The following ASPSCR1 variants were observed in gnomAD, a reference collection of about 807,000 sequenced individuals.
The protein encoded by ASPSCR1 is ASPSCR1 tether for SLC2A4, UBX domain containing, also known as tether containing UBX domain for GLUT4.
A neutral mutation model predicts 68.9 loss-of-function variants in ASPSCR1; 55 were observed. The observed-to-expected ratio is 0.80, with a 90% CI of 0.64 to 1.00. The LOEUF is 1.00. Among genes scored for constraint, ASPSCR1 ranks in the 50% least tolerant of loss-of-function variants. The pLI, the probability that ASPSCR1 is intolerant of heterozygous loss-of-function variation, is 0.00. For missense variants in ASPSCR1, 765 were observed against 762.2 expected, an observed-to-expected ratio of 1.00 and a Z score of -0.04; for synonymous variants, 352 against 332.6, an observed-to-expected ratio of 1.06 and a Z score of -0.63.
At chr17:81,979,319 A>AGTG in intron 2 of ASPSCR1, 80 bp downstream of exon 2, 1 of 1,510,426 alleles carries the variant, frequency 6.6e-7, no homozygotes, top group Non-Finnish European at 9.2e-7. Flanking sequence ...CTCACTTGGA[A>AGTG]AAGCCCCCAG....
chr17:82,009,018 C>A lies in ASPSCR1; in HGVS notation c.934-19C>A. The stretch of plus-strand genomic sequence containing the variant: ...CCCAGCCCGTGACACCCGCCGTCAG[C>A]CGCGCCCTCTGCCTCCAGCCCGTGG... On this transcript the variant is annotated intron_variant, in intron 7 of 15. Transcript: ENST00000306739. 6.7e-7 allele frequency: 1 copy of A among 1,501,570 alleles called. No individual in the cohort carries two copies. 93.0% of individuals were successfully genotyped at this position (1,501,570 alleles called of 1,614,324 possible).
At chr17:82,009,933 C>T (rs1269458113) in intron 9 of ASPSCR1, 28 of 235,876 alleles carry the variant, frequency 1.2e-4, no homozygotes, top group Non-Finnish European at 2.0e-4. Flanking sequence ...TTTTTTGAGA[C>T]GGAGTCTCTC....
chr17:81,977,785 C>CG lies in ASPSCR1; in HGVS notation c.102+43dup, dbSNP rs986219126. 1.5e-5 allele frequency: 18 copies of CG among 1,204,396 alleles called. No individual in the cohort carries two copies. The highest frequency in any genetic ancestry group is 1.4e-4 in the East Asian group (4 of 29,444). 74.6% of individuals were successfully genotyped at this position (1,204,396 alleles called of 1,614,324 possible). ...CGCCCGGGGCGGACGGGTAGGCGGGCGGGGGGCGCTGCGCCGAGGCCCCGC... is the reference window on the plus strand; with the variant it reads ...CGCCCGGGGCGGACGGGTAGGCGGGCGGGGGGGCGCTGCGCCGAGGCCCCGC... On this transcript the variant is annotated intron_variant, in intron 1 of 15. Coordinates refer to ENST00000306739, the MANE Select transcript of ASPSCR1 (RefSeq NM_024083.4). The surrounding 1 kb of genome is among the most constrained non-coding windows in gnomAD (Gnocchi z 5.0).
rs9912517 is a variant in ASPSCR1 at position 81,988,497 on chromosome 17, G to A, written c.374+2890G>A. Among the ~76,000 whole-genome samples, 1,123 of 151,838 alleles carry A rather than the reference G, an allele frequency of 7.4e-3. 10 individuals are homozygous for A. Among genetic ancestry groups the A allele is most frequent in the African/African-American group, 0.026 (1,086 of 41,384 alleles). On this transcript the variant is annotated intron_variant, in intron 4 of 15. Transcript: ENST00000306739. ...CAAGAGCAAGTGGGGCAGCTCTTTCGAGACACCAGGGACAGCAGGAGGTGG... is the reference window on the plus strand; with the variant it reads ...CAAGAGCAAGTGGGGCAGCTCTTTCAAGACACCAGGGACAGCAGGAGGTGG...
chr17:81,982,707 TTTTTC>T (rs1414534519), intron 2 of ASPSCR1: 7 of 152,118 alleles, frequency 4.6e-5, no homozygotes, highest in Non-Finnish European at 8.8e-5. Context: ...TATATTCAGA[TTTTTC>T]TTTTCTTTTC....
At chr17:82,016,243 G>T (rs993421617) in intron 12 of ASPSCR1, 1 of 567,368 alleles carries the variant, frequency 1.8e-6, no homozygotes, top group Non-Finnish European at 3.2e-6. Context: ...CCTTCAGCTG[G>T]CTTGGGGCTT....
intron 2 of ASPSCR1, among the ~76,000 whole-genome samples, chr17:81,982,291 C>T (rs2041820565): frequency 6.6e-6 from 1 of 152,232 alleles, no homozygotes; most frequent in Admixed American, 6.5e-5. Context: ...TCAGTGTTCA[C>T]CTGCCCGTGG....
intron 9 of ASPSCR1, among the ~76,000 whole-genome samples, chr17:82,010,402 G>A (rs1286255842): frequency 1.3e-5 from 2 of 151,712 alleles, no homozygotes; most frequent in Admixed American, 1.3e-4. Context: ...GGTGGCGCAC[G>A]CCTGTAGTCC....
chr17:81,984,147 C>T (rs761748454), intron 3 of ASPSCR1, among the ~76,000 whole-genome samples: 23 of 152,226 alleles, frequency 1.5e-4, no homozygotes, highest in African/African-American at 3.9e-4. Flanking sequence ...TGAGCCTCTG[C>T]GCCCCGCCCA....
rs758621833 is a variant in ASPSCR1, at chr17:82,010,836, T to G, written c.1205T>G (p.Val402Gly). 6.2e-7 allele frequency: 1 copy of G among 1,613,132 alleles called. No individual in the cohort carries two copies. The highest frequency in any genetic ancestry group is 8.5e-7 in the Non-Finnish European group (1 of 1,179,912). Residue 402 changes from valine (V) to glycine (G), a missense_variant, in exon 10 of 16, where the codon GTC becomes GGC. By Grantham distance (109) the Val-to-Gly change is moderately radical. Coordinates refer to ENST00000306739, the MANE Select transcript of ASPSCR1 (RefSeq NM_024083.4). ...AGGGTCCTGTTCCCCGACCGCTACG[T>G]CCTACAGGGCTTCTTCCGCCCCAGC... is the stretch of plus-strand genomic sequence containing the variant. ...ALRVLFPDRYVLQGFFRPSET... is the reference protein window; with the variant it reads ...ALRVLFPDRYGLQGFFRPSET...
intron 7 of ASPSCR1, among the ~76,000 whole-genome samples, chr17:81,997,820 G>A (rs1420072113): frequency 7.0e-6 from 1 of 142,290 alleles, no homozygotes; most frequent in African/African-American, 2.6e-5. Context: ...CCTTTACTGA[G>A]GCACCCACTT....
At position 81,984,852 on chromosome 17, in the gene ASPSCR1, CCA is replaced by C. The variant is rs535826440; in HGVS notation, c.274-647_274-646del. Reference sequence around the variant, plus strand: ...ACCCCCACACACCCCTGCACACACCCCACACACACCTGCACACCCCCGCACAC... The same window carrying C: ...ACCCCCACACACCCCTGCACACACCCCACACACCTGCACACCCCCGCACAC... On this transcript the variant is annotated intron_variant, in intron 3 of 15. Coordinates refer to ENST00000306739, the MANE Select transcript of ASPSCR1 (RefSeq NM_024083.4). Among the ~76,000 whole-genome samples, 36 of 135,410 alleles carry C rather than the reference CCA, an allele frequency of 2.7e-4. 1 individual carries two copies. The highest frequency in any genetic ancestry group is 8.7e-4 in the African/African-American group (31 of 35,714). 88.8% of individuals were successfully genotyped at this position (135,410 alleles called of 152,430 possible).
At chr17:81,992,396 G>A (rs1335912419) in intron 4 of ASPSCR1, among the ~76,000 whole-genome samples, 1 of 152,184 alleles carries the variant, frequency 6.6e-6, no homozygotes, top group Admixed American at 6.5e-5. Context: ...CCCTCTGGAG[G>A]AGCCGCACAT....
At position 81,996,464 on chromosome 17, in the gene ASPSCR1, G is replaced by A; in HGVS notation, c.551G>A (p.Ser184Asn). 2 of 1,608,946 alleles carry A rather than the reference G, an allele frequency of 1.2e-6. No homozygotes were observed. The highest frequency in any genetic ancestry group is 4.5e-5 in the East Asian group (2 of 44,750). The change falls in exon 7 of 16, where the codon AGC becomes AAC. Residue 184 changes from serine (S) to asparagine (N), a missense_variant. Physicochemically the swap from Ser to Asn is conservative, Grantham distance 46 (BLOSUM62 1). Coordinates refer to ENST00000306739, the MANE Select transcript of ASPSCR1 (RefSeq NM_024083.4). ...GACCCCGTGGGCAAGACCCCAGGAAGCCTGGGCTCGTCAGCGTCGGCTGGC... is the reference window on the plus strand; with the variant it reads ...GACCCCGTGGGCAAGACCCCAGGAAACCTGGGCTCGTCAGCGTCGGCTGGC... ...CYDPVGKTPGSLGSSASAGQA... is the reference protein window; with the variant it reads ...CYDPVGKTPGNLGSSASAGQA...
At chr17:82,016,110 C>A (rs1381901562) in intron 12 of ASPSCR1, 2 of 264,580 alleles carry the variant, frequency 7.6e-6, no homozygotes, top group East Asian at 1.4e-4. Flanking sequence ...AGCTGCACCC[C>A]TCCACGGTGG....
chr17:82,009,590 C>T (rs1332482070), intron 9 of ASPSCR1, 23 bp downstream of exon 9: 6 of 1,546,266 alleles, frequency 3.9e-6, no homozygotes, highest in Non-Finnish European at 5.2e-6. Flanking sequence ...GATGTGGGGG[C>T]GACTGAGGCA....
rs747857076 is a variant in ASPSCR1, at chr17:81,983,576, C to T, written c.181C>T (p.Leu61Phe). The T allele has an allele frequency of 1.2e-6, 2 of 1,613,270 alleles. No individual in the cohort carries two copies. Among genetic ancestry groups the T allele is most frequent in the Admixed American group, 3.3e-5 (2 of 59,882 alleles). The change falls in exon 3 of 16, where the codon CTT becomes TTT. Residue 61 changes from leucine (L) to phenylalanine (F), a missense_variant. Transcript: ENST00000306739. The surrounding 1 kb of genome is among the most constrained non-coding windows in gnomAD (Gnocchi z 4.4). The part of the protein sequence containing the change: ...DLKFQRSVLD[L>F]SLQWRFANLP... ...CAGGTTTCAGAGGAGCGTGCTCGAC[C>T]TTTCTCTCCAGTGGAGATTTGCCAA...
At chr17:81,988,271 G>A (rs1389118834) in intron 4 of ASPSCR1, among the ~76,000 whole-genome samples, 17 of 152,086 alleles carry the variant, frequency 1.1e-4, no homozygotes, top group Non-Finnish European at 2.1e-4. Context: ...GACCAGCCTG[G>A]CCAACATGGT....
chr17:81,994,549 C>T lies in ASPSCR1; in HGVS notation c.375-272C>T, dbSNP rs577225822. The stretch of plus-strand genomic sequence containing the variant: ...CAGCTCCACGTCCTGCCAGCGGCCC[C>T]GAGACTGGAGGTCTCGGGGGGAGCC... On this transcript the variant is annotated intron_variant, in intron 4 of 15. Coordinates refer to ENST00000306739, the MANE Select transcript of ASPSCR1 (RefSeq NM_024083.4). Among the ~76,000 whole-genome samples, 35 of 152,324 alleles carry T rather than the reference C, an allele frequency of 2.3e-4. No individual in the cohort carries two copies. In the East Asian group the frequency reaches 6.4e-3, roughly 28 times the overall value.
Sources: gnomAD v4.1 joint callset for allele counts (sites outside exome capture counted in the v4.1 genomes callset) on GRCh38, gnomAD v4.1.1 for gene constraint, Gnocchi (gnomAD v3.1) non-coding constraint, MANE v1.5 for transcripts, NCBI Gene and HGNC (gene_info 2026-07-23, HGNC 2026-07-21) for gene names.